ACCSL: variants seen among roughly 807,000 people sequenced by gnomAD.
ACCSL encodes probable inactive 1-aminocyclopropane-1-carboxylate synthase-like protein 2.
In ACCSL, 55 loss-of-function variants were observed where a neutral mutation model predicts 61.7. That is an observed-to-expected ratio of 0.89 (90% CI 0.72 to 1.12). The LOEUF (loss-of-function observed/expected upper bound fraction) is 1.12. Ranked by LOEUF, ACCSL falls within the 50% of genes most tolerant of loss-of-function variation. ACCSL has a pLI of 0.00. For missense variants in ACCSL, 632 were observed against 698.0 expected, an observed-to-expected ratio of 0.91 and a Z score of 1.07; for synonymous variants, 258 against 264.3, an observed-to-expected ratio of 0.98 and a Z score of 0.23.
chr11:43,979,672 G>A, the ACCSL span, among the ~76,000 whole-genome samples: 2 of 151,766 alleles, frequency 1.3e-5, no homozygotes, highest in African/African-American at 4.8e-5. Context: ...AGAGATATTT[G>A]TTCGTCTCTA....
At chr11:43,962,203 G>A in the ACCSL span, among the ~76,000 whole-genome samples, 1 of 152,156 alleles carries the variant, frequency 6.6e-6, no homozygotes, top group African/African-American at 2.4e-5. Context: ...TGGAAACCTA[G>A]TTGTCAGGCA....
chr11:43,950,685 G>A, the ACCSL span, among the ~76,000 whole-genome samples: 2 of 152,336 alleles, frequency 1.3e-5, no homozygotes, highest in South Asian at 4.1e-4. Flanking sequence ...GGATGATCAA[G>A]CCCACAAGCC....
the ACCSL span, among the ~76,000 whole-genome samples, chr11:44,025,490 G>T: frequency 6.6e-6 from 1 of 151,686 alleles, no homozygotes. Flanking sequence ...ACTATTGTTG[G>T]CATACAACTT....
At chr11:43,934,803 A>G in the ACCSL span, among the ~76,000 whole-genome samples, 1 of 152,176 alleles carries the variant, frequency 6.6e-6, no homozygotes, top group Non-Finnish European at 1.5e-5. Flanking sequence ...GCATCCTGGG[A>G]CACACTGCAT....
chr11:43,979,189 A>G, the ACCSL span, among the ~76,000 whole-genome samples: 1 of 152,092 alleles, frequency 6.6e-6, no homozygotes, highest in Non-Finnish European at 1.5e-5. Flanking sequence ...AAAATTAGCC[A>G]GTGGTGGTGG....
the ACCSL span, among the ~76,000 whole-genome samples, chr11:43,956,947 A>G: frequency 1.3e-5 from 2 of 152,098 alleles, no homozygotes; most frequent in African/African-American, 4.8e-5. Context: ...ATGGTTTCCT[A>G]CATGTGAGAC....
At chr11:43,983,298 G>A in the ACCSL span, among the ~76,000 whole-genome samples, 1 of 152,166 alleles carries the variant, frequency 6.6e-6, no homozygotes, top group Non-Finnish European at 1.5e-5. Context: ...GAGAAAACAG[G>A]AGACCAAGTT....
chr11:44,036,713 C>A, the ACCSL span, among the ~76,000 whole-genome samples: 2 of 142,474 alleles, frequency 1.4e-5, no homozygotes, highest in African/African-American at 5.3e-5. Context: ...ACCCTGGGGG[C>A]AAAGGATGCA....
At chr11:44,049,217 C>T (rs973146812) in intron 1 of ACCSL, among the ~76,000 whole-genome samples, 5 of 151,854 alleles carry the variant, frequency 3.3e-5, no homozygotes, top group African/African-American at 4.8e-5. Flanking sequence ...TCCAGGAATT[C>T]GAGACCAGCC....
At chr11:43,988,885 C>T in the ACCSL span, among the ~76,000 whole-genome samples, 1 of 146,024 alleles carries the variant, frequency 6.8e-6, no homozygotes, top group Non-Finnish European at 1.5e-5. Flanking sequence ...ATCCTCTCTC[C>T]TCGGCCTCTA....
the ACCSL span, among the ~76,000 whole-genome samples, chr11:43,973,670 G>A: frequency 6.6e-6 from 1 of 152,282 alleles, no homozygotes; most frequent in East Asian, 1.9e-4. Flanking sequence ...TAATGAAGTG[G>A]AAAAGGTGGA....
At chr11:43,943,118 TC>T in the ACCSL span, 1 of 1,494,132 alleles carries the variant, frequency 6.7e-7, no homozygotes, top group Non-Finnish European at 8.9e-7. The surrounding 1 kb of genome is among the most constrained non-coding windows in gnomAD (Gnocchi z 4.8). Flanking sequence ...GGAGGGGGTG[TC>T]CCCCATGGAG....
the ACCSL span, among the ~76,000 whole-genome samples, chr11:44,024,897 GT>G: frequency 6.6e-6 from 1 of 152,050 alleles, no homozygotes; most frequent in Non-Finnish European, 1.5e-5. Flanking sequence ...GAATTGTTAT[GT>G]TTTTATGATA....
the ACCSL span, chr11:43,945,575 G>A: frequency 1.3e-5 from 2 of 151,180 alleles, no homozygotes; most frequent in African/African-American, 4.9e-5. Context: ...GCCGGGCAGT[G>A]GTTCACGCCT....
At position 44,053,486 on chromosome 11, in the gene ACCSL, A is replaced by G. The variant is rs375226611; in HGVS notation, c.1029A>G (p.Lys343=). The G allele has an allele frequency of 5.6e-6, 9 of 1,614,034 alleles. No individual in the cohort carries two copies. In the African/African-American group the frequency reaches 1.2e-4, roughly 22 times the overall value. The change falls in exon 8 of 14, where the codon AAA becomes AAG. Residue 343 remains lysine, a synonymous_variant. Coordinates refer to ENST00000378832, the MANE Select transcript of ACCSL (RefSeq NM_001031854.2). ...GDIYSPDSLM[K]YLEFAKRYNL... is the part of the protein sequence containing the mutation. Reference sequence around the variant, plus strand: ...TCTACTCCCCAGACTCACTGATGAAATACCTGGAATTTGCCAAGAGGTATG... The same window carrying G: ...TCTACTCCCCAGACTCACTGATGAAGTACCTGGAATTTGCCAAGAGGTATG...
At chr11:43,988,490 G>A in the ACCSL span, among the ~76,000 whole-genome samples, 4 of 151,872 alleles carry the variant, frequency 2.6e-5, no homozygotes, top group East Asian at 5.8e-4. Flanking sequence ...TTGCATCATC[G>A]CATGTAGAAG....
At chr11:44,026,298 A>T in the ACCSL span, among the ~76,000 whole-genome samples, 60,904 of 151,868 alleles carry the variant, frequency 0.4, 12,704 homozygotes, top group Admixed American at 0.42. Flanking sequence ...TATCTGTTCA[A>T]TTCTACTGTT....
chr11:44,035,714 G>C, the ACCSL span, among the ~76,000 whole-genome samples: 13 of 152,036 alleles, frequency 8.6e-5, no homozygotes, highest in Non-Finnish European at 1.5e-4. Flanking sequence ...GAGGCAGGCG[G>C]ATCACTTGAG....
At chr11:43,999,240 G>A in the ACCSL span, among the ~76,000 whole-genome samples, 2 of 152,198 alleles carry the variant, frequency 1.3e-5, no homozygotes, top group Non-Finnish European at 2.9e-5. Context: ...CATATCACAT[G>A]TATAAGGCCT....
Sources: allele counts gnomAD v4.1 joint callset (sites outside exome capture counted in the v4.1 genomes callset), GRCh38; gene constraint gnomAD v4.1.1; non-coding constraint Gnocchi (gnomAD v3.1); transcripts MANE v1.5; gene names NCBI Gene and HGNC (gene_info 2026-07-23, HGNC 2026-07-21).